The following ATP6V1A variants were observed in gnomAD, a reference collection of about 807,000 sequenced individuals.
ATP6V1A encodes V-type proton ATPase catalytic subunit A.
In ATP6V1A, 18 loss-of-function variants were observed where a neutral mutation model predicts 70.1. That is an observed-to-expected ratio of 0.26 (90% CI 0.18 to 0.38). ATP6V1A has a LOEUF of 0.38. ATP6V1A is among the 10% of genes least tolerant of loss of function. ATP6V1A has a pLI of 1.00. For synonymous variants in ATP6V1A, 232 were observed against 253.8 expected, an observed-to-expected ratio of 0.91 and a Z score of 0.82; for missense variants, 424 against 772.4, an observed-to-expected ratio of 0.55 and a Z score of 5.35.
intron 1 of ATP6V1A, among the ~76,000 whole-genome samples, chr3:113,759,809 C>A (rs1297490024): frequency 6.6e-6 from 1 of 152,176 alleles, no homozygotes; most frequent in African/African-American, 2.4e-5. Context: ...TCCCCCCACA[C>A]CCTTGCCAGT....
chr3:113,788,333 A>ATT lies in ATP6V1A; in HGVS notation c.717-378_717-377dup, dbSNP rs1194600307. ...CCTTACCTACTTTATTTTTATTTTT[A>ATT]TTTATTTTTATTTTTTTTGAGATGG... On this transcript the variant is annotated intron_variant, in intron 6 of 14. Coordinates refer to ENST00000273398, the MANE Select transcript of ATP6V1A (RefSeq NM_001690.4). 3.9e-4 allele frequency among the ~76,000 whole-genome samples: 57 copies of ATT among 145,150 alleles called. 1 individual carries two copies. The highest frequency in any genetic ancestry group is 6.9e-5 in the Admixed American group (1 of 14,568).
chr3:113,804,377 A>G (rs377537263), intron 13 of ATP6V1A, among the ~76,000 whole-genome samples: 19 of 152,036 alleles, frequency 1.2e-4, no homozygotes, highest in African/African-American at 4.1e-4. Context: ...CAAGAGTCCT[A>G]TTGCTTGCTT....
intron 3 of ATP6V1A, among the ~76,000 whole-genome samples, chr3:113,783,550 T>G (rs1709004419): frequency 6.6e-6 from 1 of 152,208 alleles, no homozygotes. Flanking sequence ...TGAGGGAGTT[T>G]TGCTTCTGTT....
intron 8 of ATP6V1A, among the ~76,000 whole-genome samples, chr3:113,791,019 T>C (rs1709086456): frequency 6.6e-6 from 1 of 152,148 alleles, no homozygotes; most frequent in East Asian, 1.9e-4. Flanking sequence ...TATTAAGATA[T>C]ATTCCAATAT....
rs748064694 is a variant in ATP6V1A at position 113,808,287 on chromosome 3, C to CTTT, written c.1762-1029_1762-1027dup. ...ACCTGGAACATTTTAAAGTCTGTCT[C>CTTT]TTTTTTTTTTTTTTTTTTTTTCTGA... On this transcript the variant is annotated intron_variant, in intron 14 of 14. Transcript: ENST00000273398. 1.0e-2 allele frequency among the ~76,000 whole-genome samples: 892 copies of CTTT among 89,540 alleles called. 5 individuals carry two copies. The highest frequency in any genetic ancestry group is 0.011 in the Non-Finnish European group (575 of 50,028). The allele number at this position is 89,540 out of a possible 152,430, so 58.7% of individuals were successfully genotyped here.
At chr3:113,805,816 G>A (rs1036708534) in intron 14 of ATP6V1A, among the ~76,000 whole-genome samples, 3 of 152,080 alleles carry the variant, frequency 2.0e-5, no homozygotes. Flanking sequence ...TGATCTGCCC[G>A]CCTTGGCCTC....
chr3:113,780,659 C>T, intron 2 of ATP6V1A: 3 of 912,432 alleles, frequency 3.3e-6, no homozygotes, highest in South Asian at 3.0e-5. Context: ...AATTGTGTGG[C>T]ATTCTACCAT....
At chr3:113,780,948 A>C in intron 2 of ATP6V1A, 102 bp from the exon 3 acceptor site, 1 of 1,437,836 alleles carries the variant, frequency 7.0e-7, no homozygotes, top group Non-Finnish European at 9.3e-7. Context: ...TGAATATATG[A>C]GAGAGGCACA....
At chr3:113,778,955 A>AGG (rs528128033) in intron 2 of ATP6V1A, 120 bp downstream of exon 2, 19 of 644,308 alleles carry the variant, frequency 2.9e-5, no homozygotes, top group Non-Finnish European at 4.7e-5. Flanking sequence ...GTTTGTCCTT[A>AGG]GGCGATCTCA....
At position 113,771,344 on chromosome 3, in the gene ATP6V1A, A is replaced by G. The variant is rs1708838037; in HGVS notation, c.-13-7397A>G. Among the ~76,000 whole-genome samples the G allele has an allele frequency of 1.3e-5, 2 of 151,558 alleles. 1 individual carries two copies. Among genetic ancestry groups the G allele is most frequent in the African/African-American group, 4.9e-5 (2 of 41,194 alleles). ...ACCAAAATGCTATATGTTTAGCCCT[A>G]TTCAGTCATCAGGTCACCATAGTAT... On this transcript the variant is annotated intron_variant, in intron 1 of 14. Coordinates refer to ENST00000273398, the MANE Select transcript of ATP6V1A (RefSeq NM_001690.4).
At chr3:113,755,885 A>G (rs761828365) in intron 1 of ATP6V1A, among the ~76,000 whole-genome samples, 2 of 152,168 alleles carry the variant, frequency 1.3e-5, no homozygotes, top group Non-Finnish European at 2.9e-5. Context: ...TCGCTTGAGT[A>G]TTACGTTGGA....
At chr3:113,798,924 C>CA (rs1352661996) in intron 12 of ATP6V1A, among the ~76,000 whole-genome samples, 1 of 152,162 alleles carries the variant, frequency 6.6e-6, no homozygotes, top group Non-Finnish European at 1.5e-5. Context: ...AGTTAGTACT[C>CA]AGAGTTCTTT....
intron 5 of ATP6V1A, among the ~76,000 whole-genome samples, chr3:113,785,455 A>G (rs1379160998): frequency 6.7e-6 from 1 of 149,632 alleles, no homozygotes; most frequent in Middle Eastern, 3.2e-3. Flanking sequence ...AATAAAAATA[A>G]TTAGTATTAT....
intron 7 of ATP6V1A, 73 bp from the exon 8 acceptor site, chr3:113,789,659 A>C: frequency 8.0e-7 from 1 of 1,244,630 alleles, no homozygotes; most frequent in South Asian, 1.3e-5. Context: ...GTTTAAAAAA[A>C]AAAAGAAAAA....
intron 8 of ATP6V1A, among the ~76,000 whole-genome samples, chr3:113,794,117 A>G (rs1017155800): frequency 1.1e-4 from 17 of 152,220 alleles, no homozygotes; most frequent in African/African-American, 3.4e-4. Flanking sequence ...TTAGCTGCTT[A>G]TAAGTGGTTT....
intron 1 of ATP6V1A, among the ~76,000 whole-genome samples, chr3:113,769,524 T>TA (rs1257535167): frequency 6.6e-6 from 1 of 152,222 alleles, no homozygotes. Flanking sequence ...CTTGGAATCT[T>TA]AGTGTTTAAC....
chr3:113,770,816 C>T (rs951414964), intron 1 of ATP6V1A, among the ~76,000 whole-genome samples: 1 of 151,856 alleles, frequency 6.6e-6, no homozygotes. Flanking sequence ...ACTTTCAGGC[C>T]AGGCGTGATA....
At position 113,788,866 on chromosome 3, in the gene ATP6V1A, C is replaced by T; in HGVS notation, c.870C>T (p.Asp290=). ...ATGAGATGTCTGAAGTCCTCCGGGACTTCCCAGAGGTCTGTATAAAGCTTC... is the reference window on the plus strand; with the variant it reads ...ATGAGATGTCTGAAGTCCTCCGGGATTTCCCAGAGGTCTGTATAAAGCTTC... ...RGNEMSEVLR[D]FPELTMEVDG... Residue 290 remains aspartate (D), a synonymous_variant, in exon 7 of 15, where the codon GAC becomes GAT. Transcript: ENST00000273398. 6.2e-7 allele frequency: 1 copy of T among 1,612,298 alleles called. No homozygotes were observed. Among genetic ancestry groups the T allele is most frequent in the Non-Finnish European group, 8.5e-7 (1 of 1,179,414 alleles).
At chr3:113,775,465 A>G (rs1221231802) in intron 1 of ATP6V1A, among the ~76,000 whole-genome samples, 5 of 152,232 alleles carry the variant, frequency 3.3e-5, no homozygotes, top group African/African-American at 7.2e-5. Flanking sequence ...TCTGACCTCA[A>G]GTGATTTGCC....
Sources: allele counts gnomAD v4.1 joint callset (sites outside exome capture counted in the v4.1 genomes callset), GRCh38; gene constraint gnomAD v4.1.1; transcripts MANE v1.5; gene names NCBI Gene and HGNC (gene_info 2026-07-23, HGNC 2026-07-21).